Variants in ST7L observed in about 807,000 individuals in gnomAD.
ST7L encodes the protein suppressor of tumorigenicity 7 protein-like.
In ST7L, 57 loss-of-function variants were observed where a neutral mutation model predicts 72.5. The observed-to-expected ratio is 0.79, with a 90% CI of 0.64 to 0.98. The LOEUF (loss-of-function observed/expected upper bound fraction) is 0.98, where lower values mean the gene tolerates loss of function less well. ST7L is among the 50% of genes least tolerant of loss of function. ST7L has a pLI of 0.00. For synonymous variants in ST7L, 221 were observed against 240.9 expected (o/e 0.92, Z 0.77); for missense variants, 576 against 672.2 (o/e 0.86, Z 1.58).
At chr1:112,601,001 T>C (rs1558043835) in intron 3 of ST7L, among the ~76,000 whole-genome samples, 153 bp from the exon 4 acceptor site, 1 of 152,230 alleles carries the variant, frequency 6.6e-6, no homozygotes, top group East Asian at 1.9e-4. Context: ...CAGAATTAAA[T>C]CTAGTCATTT....
rs143936704 is a variant in ST7L at position 112,610,039 on chromosome 1, G to GTA, written c.451+800_451+801dup. 5.4e-3 allele frequency among the ~76,000 whole-genome samples: 808 copies of GTA among 150,460 alleles called. 5 individuals are homozygous for GTA. Among genetic ancestry groups the GTA allele is most frequent in the African/African-American group, 0.017 (686 of 41,092 alleles). On this transcript the variant is annotated intron_variant, in intron 3 of 14. Coordinates refer to ENST00000358039, the MANE Select transcript of ST7L (RefSeq NM_017744.5). ...CATAAGATTCCCTGATTTGCTGGGCGTATATATATATATACACTGAGAAAA... is the reference window on the plus strand; with the variant it reads ...CATAAGATTCCCTGATTTGCTGGGCGTATATATATATATATACACTGAGAAAA...
intron 14 of ST7L, among the ~76,000 whole-genome samples, chr1:112,538,910 T>C (rs1195895471): frequency 6.6e-6 from 1 of 152,004 alleles, no homozygotes; most frequent in African/African-American, 2.4e-5. Flanking sequence ...CCATGAGAGG[T>C]AGTATTATTC....
chr1:112,593,478 TATC>T (rs1287920913), intron 5 of ST7L, among the ~76,000 whole-genome samples: 1 of 152,154 alleles, frequency 6.6e-6, no homozygotes, highest in African/African-American at 2.4e-5. Context: ...GATCAGCAGT[TATC>T]ATAAGGTCAG....
rs775086012 is a variant in ST7L at position 112,524,107 on chromosome 1, C to G, written c.*1906G>C. The G allele has an allele frequency of 6.6e-6, 1 of 152,542 alleles. No homozygotes were observed. Among genetic ancestry groups the G allele is most frequent in the African/African-American group, 2.4e-5 (1 of 41,444 alleles). The allele number at this position is 152,542 out of a possible 1,614,324, so 9.4% of individuals were successfully genotyped here. A position where few individuals can be genotyped will look rare whatever the true frequency, so the allele number is the denominator to read the frequency against. ...TTTCTGAACACTCACTGCTTCATTT[C>G]TATTCCTCCTGTTGCAGGGAGTAAT... On this transcript the variant is annotated 3_prime_UTR_variant, in exon 15 of 15. Transcript: ENST00000358039.
At chr1:112,591,963 CA>C (rs1198297801) in intron 5 of ST7L, among the ~76,000 whole-genome samples, 1 of 151,790 alleles carries the variant, frequency 6.6e-6, no homozygotes, top group Non-Finnish European at 1.5e-5. Context: ...CTACTTTTAT[CA>C]TTCTGAAAAG....
At chr1:112,618,153 A>G (rs1670228382) in intron 1 of ST7L, 6 of 1,268,508 alleles carry the variant, frequency 4.7e-6, no homozygotes, top group Non-Finnish European at 6.2e-6. Flanking sequence ...ATATAATCAC[A>G]TGGTAAGGGG....
intron 6 of ST7L, among the ~76,000 whole-genome samples, chr1:112,589,576 A>C (rs1226144718): frequency 6.6e-6 from 1 of 152,182 alleles, no homozygotes; most frequent in Admixed American, 6.5e-5. Flanking sequence ...TTCTGAACCA[A>C]TTTTATAAAA....
At chr1:112,570,077 C>T (rs1341924876) in intron 11 of ST7L, among the ~76,000 whole-genome samples, 1 of 150,922 alleles carries the variant, frequency 6.6e-6, no homozygotes, top group Non-Finnish European at 1.5e-5. Flanking sequence ...GAAACAATTT[C>T]TACTGAAAAT....
chr1:112,535,788 G>A (rs1050873801), intron 14 of ST7L, among the ~76,000 whole-genome samples: 1 of 151,864 alleles, frequency 6.6e-6, no homozygotes, highest in Non-Finnish European at 1.5e-5. Flanking sequence ...AGAGCTCAGT[G>A]CTTAGAAAAT....
chr1:112,571,216 A>G (rs1400608194), intron 11 of ST7L: 5 of 420,924 alleles, frequency 1.2e-5, no homozygotes, highest in South Asian at 5.1e-5. Flanking sequence ...TGTGTTTCAT[A>G]ACACTCGGCT....
At chr1:112,559,926 C>A (rs143964087) in intron 11 of ST7L, among the ~76,000 whole-genome samples, 3,063 of 151,594 alleles carry the variant, frequency 0.02, 106 homozygotes, top group African/African-American at 0.07. Flanking sequence ...TGCAGTGAGC[C>A]GAGATCGTGC....
intron 12 of ST7L, among the ~76,000 whole-genome samples, chr1:112,551,772 C>T (rs971221163): frequency 4.6e-5 from 7 of 152,098 alleles, no homozygotes; most frequent in Non-Finnish European, 1.0e-4. Context: ...AAATCTTTAA[C>T]GTTGTCAATA....
chr1:112,581,230 A>T (rs1223822599), intron 9 of ST7L, among the ~76,000 whole-genome samples: 5 of 152,180 alleles, frequency 3.3e-5, no homozygotes, highest in Non-Finnish European at 7.4e-5. Context: ...CTTCTCTGTT[A>T]GGCTTGCTTG....
chr1:112,574,460 C>G (rs867287178), intron 11 of ST7L, among the ~76,000 whole-genome samples: 1 of 151,658 alleles, frequency 6.6e-6, no homozygotes, highest in African/African-American at 2.4e-5. Flanking sequence ...GAGATCGAGA[C>G]CATCCTGGCT....
chr1:112,616,324 A>C (rs1557713522), intron 2 of ST7L, among the ~76,000 whole-genome samples: 1 of 152,258 alleles, frequency 6.6e-6, no homozygotes, highest in East Asian at 1.9e-4. Context: ...TCAATCTCTT[A>C]AAAGTAGATT....
At chr1:112,574,117 A>G (rs1030284658) in intron 11 of ST7L, among the ~76,000 whole-genome samples, 4 of 148,344 alleles carry the variant, frequency 2.7e-5, no homozygotes, top group African/African-American at 9.9e-5. Flanking sequence ...GGGTTTCACC[A>G]TGCTGCCCTG....
intron 3 of ST7L, chr1:112,607,263 T>C (rs1364073384): frequency 6.6e-6 from 1 of 151,652 alleles, no homozygotes; most frequent in Non-Finnish European, 1.5e-5. Flanking sequence ...AGGGAAGAGA[T>C]GTTTAAGGGC....
intron 11 of ST7L, among the ~76,000 whole-genome samples, chr1:112,574,699 T>C (rs1439576569): frequency 2.0e-5 from 3 of 150,398 alleles, no homozygotes; most frequent in Non-Finnish European, 4.4e-5. Context: ...AAAGTACAGA[T>C]AAAAAACATA....
In ST7L at chr1:112,577,097, A is replaced by G; in HGVS notation, c.1143-9T>C. The G allele has an allele frequency of 1.9e-6, 3 of 1,541,614 alleles. No individual in the cohort carries two copies. Among genetic ancestry groups the G allele is most frequent in the Non-Finnish European group, 2.6e-6 (3 of 1,135,104 alleles). On this transcript the variant is annotated splice_polypyrimidine_tract_variant and intron_variant, in intron 10 of 14. Coordinates refer to ENST00000358039, the MANE Select transcript of ST7L (RefSeq NM_017744.5). ...CTGTTTCTGGAGAGAATCTACAAGA[A>G]AACCACAAAATGAAAAAATAAATAT...
Sources: gnomAD v4.1 joint callset for allele counts (sites outside exome capture counted in the v4.1 genomes callset) on GRCh38, gnomAD v4.1.1 for gene constraint, MANE v1.5 for transcripts, NCBI Gene and HGNC (gene_info 2026-07-23, HGNC 2026-07-21) for gene names.